Variants in SLC39A11 observed in about 807,000 individuals in gnomAD.
SLC39A11 encodes the protein zinc transporter ZIP11.
A neutral mutation model predicts 36.1 loss-of-function variants in SLC39A11; 33 were observed. The observed-to-expected ratio is 0.91, with a 90% CI of 0.69 to 1.22. SLC39A11 has a LOEUF of 1.22. Ranked by LOEUF, SLC39A11 falls within the 50% of genes most tolerant of loss-of-function variation. The pLI is 0.00. For missense variants in SLC39A11, 432 were observed against 430.3 expected, an observed-to-expected ratio of 1.00 and a Z score of -0.03; for synonymous variants, 166 against 170.3, an observed-to-expected ratio of 0.97 and a Z score of 0.20.
chr17:72,780,284 G>A (rs1323787829), intron 6 of SLC39A11, among the ~76,000 whole-genome samples: 1 of 152,160 alleles, frequency 6.6e-6, no homozygotes, highest in East Asian at 1.9e-4. Flanking sequence ...TCCCAAGGGA[G>A]AGCTGGTGTA....
intron 6 of SLC39A11, among the ~76,000 whole-genome samples, chr17:72,783,250 A>G (rs2076388436): frequency 6.6e-6 from 1 of 152,152 alleles, no homozygotes; most frequent in Admixed American, 6.5e-5. Flanking sequence ...AGCCTCTAGA[A>G]CTGTGAGAAA....
chr17:72,878,751 A>T lies in SLC39A11; in HGVS notation c.431-28947T>A, dbSNP rs1017691550. Among the ~76,000 whole-genome samples the T allele has an allele frequency of 2.0e-5, 3 of 152,194 alleles. No individual in the cohort carries two copies. In the South Asian group the frequency reaches 6.2e-4, roughly 32 times the overall value. On this transcript the variant is annotated intron_variant, in intron 5 of 9. Transcript: ENST00000255559. ...CCTCTGGTCACCAAACTGTATGGGG[A>T]TTTCTCCCCACCAACATGGAGTGGG...
At chr17:72,824,551 G>A (rs1037941825) in intron 6 of SLC39A11, among the ~76,000 whole-genome samples, 1 of 151,380 alleles carries the variant, frequency 6.6e-6, no homozygotes, top group African/African-American at 2.4e-5. Flanking sequence ...GGTTGGAACA[G>A]TTTGAAGGGC....
intron 6 of SLC39A11, among the ~76,000 whole-genome samples, chr17:72,806,454 A>G (rs1258036711): frequency 6.6e-6 from 1 of 152,160 alleles, no homozygotes; most frequent in Non-Finnish European, 1.5e-5. Context: ...CTCTAACGAT[A>G]GCATTCTACA....
chr17:72,767,690 T>C (rs779077790), intron 6 of SLC39A11, among the ~76,000 whole-genome samples: 4 of 152,164 alleles, frequency 2.6e-5, no homozygotes, highest in Non-Finnish European at 5.9e-5. Flanking sequence ...CCTGTGTACG[T>C]TCCCTTCATT....
rs140897575 is a variant in SLC39A11, at chr17:73,064,819, G to A, written c.147+19989C>T. Among the ~76,000 whole-genome samples the A allele has an allele frequency of 2.3e-3, 349 of 152,210 alleles. 1 individual carries two copies. The highest frequency in any genetic ancestry group is 8.0e-3 in the African/African-American group (331 of 41,528). ...GGCCCTGGGAAAAGCAGAGAGCAAGGATTCTCAGCCCATAATGTCAGCTCC... is the reference window on the plus strand; with the variant it reads ...GGCCCTGGGAAAAGCAGAGAGCAAGAATTCTCAGCCCATAATGTCAGCTCC... On this transcript the variant is annotated intron_variant, in intron 3 of 9. Coordinates refer to ENST00000255559, the MANE Select transcript of SLC39A11 (RefSeq NM_139177.4).
At chr17:72,936,151 T>C (rs934082096) in intron 5 of SLC39A11, among the ~76,000 whole-genome samples, 2 of 151,876 alleles carry the variant, frequency 1.3e-5, no homozygotes, top group Non-Finnish European at 2.9e-5. Flanking sequence ...TGAGCCGAGA[T>C]CACGTCACTG....
chr17:72,869,627 ACCTCGGCCT>A lies in SLC39A11; in HGVS notation c.431-19832_431-19824del, dbSNP rs541135608. Among the ~76,000 whole-genome samples the A allele has an allele frequency of 1.9e-3, 282 of 151,378 alleles. 2 individuals are homozygous for A. Among genetic ancestry groups the A allele is most frequent in the African/African-American group, 6.4e-3 (264 of 41,262 alleles). On this transcript the variant is annotated intron_variant, in intron 5 of 9. Transcript: ENST00000255559. ...ACTCCTGACCTCAGGTGATCCACCC[ACCTCGGCCT>A]CCTCGGCCTCCCAAAGTGCTGGGAT...
intron 5 of SLC39A11, among the ~76,000 whole-genome samples, chr17:72,862,362 C>T (rs4969068): frequency 0.34 from 51,362 of 151,976 alleles, 9,145 homozygotes; most frequent in East Asian, 0.68. Flanking sequence ...AAAAATAAAT[C>T]AGAAATCAAA....
intron 3 of SLC39A11, among the ~76,000 whole-genome samples, chr17:73,059,997 G>A (rs1008677742): frequency 6.6e-5 from 10 of 151,930 alleles, no homozygotes; most frequent in African/African-American, 2.4e-4. Context: ...ATCACCTGAG[G>A]TCAGGAGTTC....
intron 3 of SLC39A11, among the ~76,000 whole-genome samples, chr17:73,049,351 C>T (rs1914897210): frequency 6.6e-6 from 1 of 150,822 alleles, no homozygotes; most frequent in Non-Finnish European, 1.5e-5. Context: ...GGGTTGGGAC[C>T]AGGAGCAGCT....
At chr17:72,733,840 A>G (rs1189873544) in intron 7 of SLC39A11, among the ~76,000 whole-genome samples, 2 of 151,834 alleles carry the variant, frequency 1.3e-5, no homozygotes, top group East Asian at 3.9e-4. Flanking sequence ...GCCTTGGTGT[A>G]TGAACCCCAT....
At chr17:72,897,783 G>A (rs757874191) in intron 5 of SLC39A11, among the ~76,000 whole-genome samples, 2 of 152,212 alleles carry the variant, frequency 1.3e-5, no homozygotes, top group Non-Finnish European at 2.9e-5. Flanking sequence ...AAAAACAGGC[G>A]GCAAGGGAAT....
intron 5 of SLC39A11, among the ~76,000 whole-genome samples, chr17:72,857,272 A>G (rs1160568265): frequency 6.6e-6 from 1 of 152,144 alleles, no homozygotes; most frequent in Non-Finnish European, 1.5e-5. Context: ...GCTAAGGATA[A>G]TAGCCTCCAA....
At chr17:72,729,303 C>G in intron 7 of SLC39A11, among the ~76,000 whole-genome samples, 1 of 145,932 alleles carries the variant, frequency 6.9e-6, no homozygotes. Context: ...GTGGCACGAT[C>G]ACGGCTTACT....
intron 4 of SLC39A11, among the ~76,000 whole-genome samples, chr17:72,979,089 T>C (rs1356534874): frequency 6.6e-6 from 1 of 152,158 alleles, no homozygotes; most frequent in Non-Finnish European, 1.5e-5. Context: ...GGCAACTGAA[T>C]CATGGGGGCA....
intron 4 of SLC39A11, among the ~76,000 whole-genome samples, chr17:73,008,294 G>A (rs1376970175): frequency 6.6e-6 from 1 of 151,832 alleles, no homozygotes; most frequent in Non-Finnish European, 1.5e-5. Flanking sequence ...ACTGCACCCA[G>A]CAGAAACATA....
chr17:72,702,107 A>G (rs1265276048), intron 7 of SLC39A11, among the ~76,000 whole-genome samples: 2 of 137,516 alleles, frequency 1.5e-5, no homozygotes, highest in African/African-American at 5.3e-5. Context: ...CTCTGTCTCC[A>G]TAAAATAAAA....
intron 5 of SLC39A11, among the ~76,000 whole-genome samples, chr17:72,871,949 A>G (rs2080654050): frequency 1.3e-5 from 2 of 152,180 alleles, no homozygotes; most frequent in East Asian, 3.8e-4. Flanking sequence ...CCAGGTACAC[A>G]GTGGCAGAAT....
Sources: gnomAD v4.1 joint callset for allele counts (sites outside exome capture counted in the v4.1 genomes callset) on GRCh38, gnomAD v4.1.1 for gene constraint, MANE v1.5 for transcripts, NCBI Gene and HGNC (gene_info 2026-07-23, HGNC 2026-07-21) for gene names.